ST6GALNAC5: variants seen among roughly 807,000 people sequenced by gnomAD.
The protein encoded by ST6GALNAC5 is ST6 N-acetylgalactosaminide alpha-2,6-sialyltransferase 5, also known as alpha-N-acetylgalactosaminide alpha-2,6-sialyltransferase 5.
In ST6GALNAC5, 27 loss-of-function variants were observed where a neutral mutation model predicts 33.6. That is an observed-to-expected ratio of 0.80 (90% CI 0.59 to 1.11). ST6GALNAC5 has a LOEUF of 1.11. Among genes scored for constraint, ST6GALNAC5 ranks in the 50% least tolerant of loss-of-function variants. The pLI is 0.00. For missense variants in ST6GALNAC5, 428 were observed against 454.0 expected, an observed-to-expected ratio of 0.94 and a Z score of 0.52; for synonymous variants, 194 against 171.2, an observed-to-expected ratio of 1.13 and a Z score of -1.04.
chr1:77,066,051 C>T lies in ST6GALNAC5; in HGVS notation c.*2845C>T, dbSNP rs927189996. Among the ~76,000 whole-genome samples, 3 of 152,126 alleles carry T rather than the reference C, an allele frequency of 2.0e-5. No homozygotes were observed. The East Asian group carries it at 5.8e-4, about 29-fold the overall frequency. Reference sequence around the variant, plus strand: ...TACGGTAAATATTCACCCAAGAAAGCATACATTAAAAGAACATTAGGAGGT... The same window carrying T: ...TACGGTAAATATTCACCCAAGAAAGTATACATTAAAAGAACATTAGGAGGT... On this transcript the variant is annotated 3_prime_UTR_variant, in exon 5 of 5. Coordinates refer to ENST00000477717, the MANE Select transcript of ST6GALNAC5 (RefSeq NM_030965.3).
intron 2 of ST6GALNAC5, among the ~76,000 whole-genome samples, chr1:76,885,076 G>C (rs774145187): frequency 6.6e-6 from 1 of 152,064 alleles, no homozygotes; most frequent in East Asian, 1.9e-4. Context: ...ATGGGATGGC[G>C]CCAGACCTTA....
At chr1:76,996,440 G>A (rs1372774394) in intron 2 of ST6GALNAC5, among the ~76,000 whole-genome samples, 4 of 152,188 alleles carry the variant, frequency 2.6e-5, no homozygotes, top group Admixed American at 6.5e-5. Context: ...ATCTAATGCA[G>A]CATAGTGTTA....
chr1:77,033,023 C>T (rs1214104949), intron 2 of ST6GALNAC5, among the ~76,000 whole-genome samples: 3 of 152,108 alleles, frequency 2.0e-5, no homozygotes, highest in African/African-American at 4.8e-5. Context: ...TTCTAATGAG[C>T]GCAGGGGGCC....
At chr1:76,987,028 G>T (rs1053402783) in intron 2 of ST6GALNAC5, among the ~76,000 whole-genome samples, 2 of 152,118 alleles carry the variant, frequency 1.3e-5, no homozygotes, top group African/African-American at 4.8e-5. Context: ...TGGAGTGGGG[G>T]ACTGGGGGAG....
At chr1:76,952,812 C>G (rs1647804904) in intron 2 of ST6GALNAC5, among the ~76,000 whole-genome samples, 2 of 152,202 alleles carry the variant, frequency 1.3e-5, no homozygotes, top group African/African-American at 4.8e-5. Context: ...CCTGCCCCAT[C>G]ACCATAAAGG....
intron 2 of ST6GALNAC5, among the ~76,000 whole-genome samples, chr1:77,014,954 A>C (rs967729190): frequency 1.3e-4 from 20 of 152,114 alleles, no homozygotes; most frequent in African/African-American, 4.6e-4. Context: ...TTTATTGAGA[A>C]CTTGCCATGT....
At chr1:77,055,643 T>C (rs1652365594) in intron 4 of ST6GALNAC5, among the ~76,000 whole-genome samples, 1 of 152,192 alleles carries the variant, frequency 6.6e-6, no homozygotes, top group Non-Finnish European at 1.5e-5. Context: ...GTTCATTGTT[T>C]CAGATACAGT....
At chr1:77,047,758 A>T (rs1652065011) in intron 3 of ST6GALNAC5, among the ~76,000 whole-genome samples, 1 of 152,242 alleles carries the variant, frequency 6.6e-6, no homozygotes, top group Admixed American at 6.5e-5. Context: ...ATATTTCCAT[A>T]GAGATTATAA....
intron 2 of ST6GALNAC5, among the ~76,000 whole-genome samples, chr1:76,972,443 C>A (rs926000347): frequency 6.6e-6 from 1 of 152,178 alleles, no homozygotes; most frequent in African/African-American, 2.4e-5. Context: ...GTGATACATA[C>A]TTTACACATG....
intron 2 of ST6GALNAC5, among the ~76,000 whole-genome samples, chr1:76,879,594 G>T (rs1030945343): frequency 6.6e-6 from 1 of 152,222 alleles, no homozygotes; most frequent in African/African-American, 2.4e-5. Flanking sequence ...AAACAGGGGT[G>T]TTGGGGTGGC....
intron 2 of ST6GALNAC5, among the ~76,000 whole-genome samples, chr1:76,897,558 G>A (rs1002177622): frequency 4.6e-5 from 7 of 152,122 alleles, no homozygotes; most frequent in African/African-American, 1.7e-4. Context: ...TAATGAGATG[G>A]TAAGGAGTGT....
In ST6GALNAC5 at chr1:76,907,788, T is replaced by G. The variant is rs2100275027; in HGVS notation, c.261+39046T>G. Among the ~76,000 whole-genome samples the G allele has an allele frequency of 2.0e-5, 3 of 152,302 alleles. No individual in the cohort carries two copies. In the Middle Eastern group the frequency reaches 0.01, roughly 518 times the overall value. On this transcript the variant is annotated intron_variant, in intron 2 of 4. Transcript: ENST00000477717. Reference sequence around the variant, plus strand: ...CAGATGCTTGCACTTTGTCTTGACCTCTGCTTCAGCAAGTGTATTGTAGCT... The same window carrying G: ...CAGATGCTTGCACTTTGTCTTGACCGCTGCTTCAGCAAGTGTATTGTAGCT...
intron 2 of ST6GALNAC5, among the ~76,000 whole-genome samples, chr1:76,928,329 T>C (rs1647104871): frequency 6.6e-6 from 1 of 152,192 alleles, no homozygotes; most frequent in Non-Finnish European, 1.5e-5. Flanking sequence ...TATAGCCATA[T>C]TCATTACGGT....
chr1:77,062,484 C>T (rs1210912211), intron 4 of ST6GALNAC5, among the ~76,000 whole-genome samples: 5 of 152,058 alleles, frequency 3.3e-5, no homozygotes, highest in Admixed American at 6.6e-5. Context: ...ATGGTGGGAA[C>T]ATACTGGGAA....
intron 2 of ST6GALNAC5, among the ~76,000 whole-genome samples, chr1:77,023,785 G>A (rs1651137935): frequency 6.6e-6 from 1 of 152,100 alleles, no homozygotes; most frequent in South Asian, 2.1e-4. Flanking sequence ...GTAGAACTGG[G>A]TCATTGTAGC....
chr1:76,867,888 G>A (rs1653380997), intron 1 of ST6GALNAC5, among the ~76,000 whole-genome samples, 198 bp downstream of exon 1: 2 of 152,128 alleles, frequency 1.3e-5, no homozygotes, highest in Non-Finnish European at 2.9e-5. Context: ...GAGCCAGGAT[G>A]GGAACTCGGG....
chr1:76,990,424 G>A (rs182042085), intron 2 of ST6GALNAC5, among the ~76,000 whole-genome samples: 1 of 152,276 alleles, frequency 6.6e-6, no homozygotes, highest in East Asian at 1.9e-4. Context: ...GACACATGAG[G>A]TCTTATCCCC....
chr1:77,023,000 G>A (rs1441561252), intron 2 of ST6GALNAC5, among the ~76,000 whole-genome samples: 1 of 152,206 alleles, frequency 6.6e-6, no homozygotes, highest in Non-Finnish European at 1.5e-5. Context: ...AGGTAATTAA[G>A]TTGAAATGAG....
chr1:76,943,439 A>G (rs1209170696), intron 2 of ST6GALNAC5, among the ~76,000 whole-genome samples: 1 of 152,120 alleles, frequency 6.6e-6, no homozygotes, highest in Non-Finnish European at 1.5e-5. Flanking sequence ...GACTACAGGT[A>G]CTAATCTCTC....
Sources: gnomAD v4.1 joint callset for allele counts (sites outside exome capture counted in the v4.1 genomes callset) on GRCh38, gnomAD v4.1.1 for gene constraint, MANE v1.5 for transcripts, NCBI Gene and HGNC (gene_info 2026-07-23, HGNC 2026-07-21) for gene names.